Variants in CENPI observed in about 807,000 individuals in gnomAD.
CENPI encodes centromere protein I.
In CENPI, 4 loss-of-function variants were observed where a neutral mutation model predicts 60.4. That is an observed-to-expected ratio of 0.07 (90% CI 0.03 to 0.15). The LOEUF (loss-of-function observed/expected upper bound fraction) is 0.15. CENPI is among the 10% of genes least tolerant of loss of function. The probability of loss-of-function intolerance (pLI) is 1.00; values close to 1 mark genes in which losing one functional copy is unlikely to be tolerated. For synonymous variants in CENPI, 157 were observed against 189.4 expected (o/e 0.83, Z 1.40); for missense variants, 444 against 534.5 (o/e 0.83, Z 1.67).
At chrX:101,171,362 CA>C in the CENPI span, among the ~76,000 whole-genome samples, 58 of 111,675 alleles carry the variant, frequency 5.2e-4, no homozygotes, top group Non-Finnish European at 9.4e-4. Flanking sequence ...CAATAGAATC[CA>C]GTTGGGTCTC....
chrX:101,153,556 G>T (rs1190382616), intron 20 of CENPI, among the ~76,000 whole-genome samples: 1 of 111,046 alleles, frequency 9.0e-6, no homozygotes, highest in African/African-American at 3.3e-5. Context: ...CAGAGTGCTG[G>T]GGTTACAGGT....
At chrX:101,127,326 C>G in intron 10 of CENPI, 60 bp downstream of exon 10, 1 of 1,050,382 alleles carries the variant, frequency 9.5e-7, no homozygotes, top group Non-Finnish European at 1.3e-6. Context: ...CAAATAATAA[C>G]CATTCAGATC....
the CENPI span, among the ~76,000 whole-genome samples, chrX:101,173,512 GA>G: frequency 9.2e-6 from 1 of 108,707 alleles, no homozygotes; most frequent in African/African-American, 3.4e-5. Flanking sequence ...CCAGAGTGAT[GA>G]TGTTTTAAAT....
Position 101,145,077 on chromosome X carries a change from G to A in CENPI, c.1579G>A (p.Gly527Ser). ...TTCTTATTGCAGAGAGACAACTTTG[G>A]GTGGATCCATGAACTCTGTGTCTAA... Reference protein sequence around the residue: ...VTNSPLETTLGGSMNSVSKLI... With the variant: ...VTNSPLETTLSGSMNSVSKLI... The change falls in exon 17 of 22, where the codon GGT becomes AGT. Residue 527 changes from glycine (G) to serine (S), a missense_variant. Gly to Ser is a moderately conservative substitution (Grantham distance 56, BLOSUM62 0). Transcript: ENST00000682095. 8.3e-7 allele frequency: 1 copy of A among 1,200,899 alleles called. No homozygotes were observed. The highest frequency in any genetic ancestry group is 1.1e-6 in the Non-Finnish European group (1 of 888,844).
chrX:101,136,605 G>C (rs760851029), intron 15 of CENPI, among the ~76,000 whole-genome samples: 2 of 111,859 alleles, frequency 1.8e-5, no homozygotes, highest in Non-Finnish European at 3.8e-5. Context: ...TTTTCAGTGC[G>C]TTTTGTTTGG....
intron 15 of CENPI, among the ~76,000 whole-genome samples, chrX:101,140,038 G>A (rs971904713): frequency 1.1e-3 from 122 of 110,294 alleles, no homozygotes; most frequent in African/African-American, 3.7e-3. Flanking sequence ...GGGTTTCACC[G>A]CGTTAGCCAG....
intron 18 of CENPI, 34 bp downstream of exon 18, chrX:101,146,311 G>A (rs367653646): frequency 3.6e-4 from 409 of 1,136,392 alleles, no homozygotes; most frequent in Non-Finnish European, 4.0e-4. Context: ...ATGAAACAGT[G>A]TATTATAATT....
Position 101,158,569 on chromosome X carries a change from G to T in CENPI, c.2095-2959G>T, listed in dbSNP as rs113322458. Among the ~76,000 whole-genome samples, 94 of 108,961 alleles carry T rather than the reference G, an allele frequency of 8.6e-4. 1 individual carries two copies. Among genetic ancestry groups the T allele is most frequent in the African/African-American group, 2.9e-3 (88 of 29,866 alleles). The allele number at this position is 108,961 out of a possible 115,157, so 94.6% of individuals were successfully genotyped here. A position where few individuals can be genotyped will look rare whatever the true frequency, so the allele number is the denominator to read the frequency against. ...TGGGATTACAGGCATGAGCTACTGC[G>T]CCTGGCTGGAATGATTTTTAAGTAG... On this transcript the variant is annotated intron_variant, in intron 20 of 21. Coordinates refer to ENST00000682095, the MANE Select transcript of CENPI (RefSeq NM_001386188.2).
chrX:101,180,521 T>A, the CENPI span, among the ~76,000 whole-genome samples: 1,290 of 112,080 alleles, frequency 0.012, 21 homozygotes, highest in African/African-American at 0.04. Context: ...AAGACACTTC[T>A]CAGATATATG....
At chrX:101,181,116 G>A in the CENPI span, among the ~76,000 whole-genome samples, 1 of 24,384 alleles carries the variant, frequency 4.1e-5, no homozygotes, top group Non-Finnish European at 7.2e-5. Context: ...ATAGAAGTAC[G>A]GAGCTATTTT....
chrX:101,163,031 G>A lies in CENPI; in HGVS notation c.*64G>A. 1 of 1,109,125 alleles carries A rather than the reference G, an allele frequency of 9.0e-7. No individual in the cohort carries two copies. Among genetic ancestry groups the A allele is most frequent in the Non-Finnish European group, 1.2e-6 (1 of 817,926 alleles). The allele number at this position is 1,109,125 out of a possible 1,213,427, so 91.4% of individuals were successfully genotyped here. A position where few individuals can be genotyped will look rare whatever the true frequency, so the allele number is the denominator to read the frequency against. ...CACTCCTCATTGCTAGAGCAAAGTGGCTCATCTTGAGTTCCCATTTTCATT... is the reference window on the plus strand; with the variant it reads ...CACTCCTCATTGCTAGAGCAAAGTGACTCATCTTGAGTTCCCATTTTCATT... On this transcript the variant is annotated 3_prime_UTR_variant, in exon 22 of 22. Coordinates refer to ENST00000682095, the MANE Select transcript of CENPI (RefSeq NM_001386188.2).
chrX:101,167,580 A>G (rs1012649537), downstream of CENPI, among the ~76,000 whole-genome samples: 3 of 111,977 alleles, frequency 2.7e-5, no homozygotes, highest in Non-Finnish European at 5.6e-5. Context: ...TGCGTAATCA[A>G]TTGAAAATTG....
In CENPI at chrX:101,163,001, A is replaced by G. The variant is rs769578868; in HGVS notation, c.*34A>G. 1 of 1,190,337 alleles carries G rather than the reference A, an allele frequency of 8.4e-7. No individual in the cohort carries two copies. On this transcript the variant is annotated 3_prime_UTR_variant, in exon 22 of 22. Transcript: ENST00000682095. ...TGACATAAACTGAACACACTGGACT[A>G]AACTCACTCCTCATTGCTAGAGCAA...
intron 16 of CENPI, 103 bp from the exon 17 acceptor site, chrX:101,144,961 T>G: frequency 1.4e-6 from 1 of 701,950 alleles, no homozygotes; most frequent in Non-Finnish European, 2.1e-6. Flanking sequence ...TGATAGTTTT[T>G]AAAATCCTCA....
At chrX:101,173,104 A>C in the CENPI span, among the ~76,000 whole-genome samples, 1 of 85,568 alleles carries the variant, frequency 1.2e-5, no homozygotes, top group Non-Finnish European at 2.2e-5. Flanking sequence ...CAACCTCCAC[A>C]TCCCGGGTTC....
At chrX:101,138,597 A>G in intron 15 of CENPI, among the ~76,000 whole-genome samples, 1 of 110,188 alleles carries the variant, frequency 9.1e-6, no homozygotes, top group Non-Finnish European at 1.9e-5. Context: ...AAGTGCTGGG[A>G]TTACAGGCGT....
At chrX:101,099,119 C>A (rs915297562) in intron 2 of CENPI, among the ~76,000 whole-genome samples, 1 of 109,602 alleles carries the variant, frequency 9.1e-6, no homozygotes, top group Non-Finnish European at 1.9e-5. Flanking sequence ...TCTTTCCTTT[C>A]TTTCTTCTTT....
chrX:101,161,618 T>G lies in CENPI; in HGVS notation c.2136+49T>G, dbSNP rs369747721. 8 of 1,074,908 alleles carry G rather than the reference T, an allele frequency of 7.4e-6. No individual in the cohort carries two copies. In the African/African-American group the frequency reaches 1.5e-4, roughly 20 times the overall value. 88.6% of individuals were successfully genotyped at this position (1,074,908 alleles called of 1,213,427 possible). A position where few individuals can be genotyped will look rare whatever the true frequency, so the allele number is the denominator to read the frequency against. On this transcript the variant is annotated intron_variant, in intron 21 of 21. Coordinates refer to ENST00000682095, the MANE Select transcript of CENPI (RefSeq NM_001386188.2). ...GTTGAGGGATTTCATACAGCTTAAT[T>G]TCATCAAGAGAATTTATACTTTTCC...
chrX:101,144,050 G>T lies in CENPI; in HGVS notation c.1566-1014G>T, dbSNP rs1175570121. Among the ~76,000 whole-genome samples, 8 of 99,893 alleles carry T rather than the reference G, an allele frequency of 8.0e-5. No individual in the cohort carries two copies. The Admixed American group carries it at 8.7e-4, about 11-fold the overall frequency. The allele number at this position is 99,893 out of a possible 115,157, so 86.7% of individuals were successfully genotyped here. ...TTTTTCTAGTTTACTGTATCATTTT[G>T]TCCGTTTTCACATTTTATCCTGAAT... On this transcript the variant is annotated intron_variant, in intron 16 of 21. Transcript: ENST00000682095.
Sources: gnomAD v4.1 joint callset for allele counts (sites outside exome capture counted in the v4.1 genomes callset) on GRCh38, gnomAD v4.1.1 for gene constraint, MANE v1.5 for transcripts, NCBI Gene and HGNC (gene_info 2026-07-23, HGNC 2026-07-21) for gene names.